The following ZNF622 variants were observed in gnomAD, a reference collection of about 807,000 sequenced individuals.
ZNF622 encodes the protein zinc finger protein 622.
In ZNF622, 34 loss-of-function variants were observed where a neutral mutation model predicts 49.7. The ratio of observed to expected loss-of-function variants is 0.68; its 90% CI spans 0.52 to 0.91. The LOEUF is 0.91. Ranked by LOEUF, ZNF622 falls within the 40% of genes least tolerant of loss-of-function variation. The probability of loss-of-function intolerance (pLI) is 0.00; values close to 1 mark genes in which losing one functional copy is unlikely to be tolerated. For missense variants in ZNF622, 569 were observed against 616.4 expected, an observed-to-expected ratio of 0.92 and a Z score of 0.81; for synonymous variants, 209 against 228.7, an observed-to-expected ratio of 0.91 and a Z score of 0.78.
chr5:16,464,959 A>C, intron 1 of ZNF622, 82 bp downstream of exon 1: 2 of 1,505,444 alleles, frequency 1.3e-6, no homozygotes, highest in Non-Finnish European at 1.8e-6. Context: ...ACACACACAC[A>C]CACCCATCTC....
chr5:16,456,180 C>T (rs1042247477), intron 4 of ZNF622, among the ~76,000 whole-genome samples: 1 of 152,124 alleles, frequency 6.6e-6, no homozygotes, highest in African/African-American at 2.4e-5. Flanking sequence ...TCACTGCAGC[C>T]TTGTGACTCT....
chr5:16,462,985 GGTGTTATAA>G, intron 3 of ZNF622, 114 bp downstream of exon 3: 1 of 923,774 alleles, frequency 1.1e-6, no homozygotes, highest in Non-Finnish European at 1.6e-6. Flanking sequence ...CTAATACAGA[GGTGTTATAA>G]GTGTTATTAA....
chr5:16,453,562 TATATATATATA>T lies in ZNF622; in HGVS notation c.1163-417_1163-407del, dbSNP rs1561067746. ...TATATATATAAATAAATAAAAATTA[TATATATATATA>T]TATATATATATATATATATATATAT... On this transcript the variant is annotated intron_variant, in intron 4 of 5. Coordinates refer to ENST00000308683, the MANE Select transcript of ZNF622 (RefSeq NM_033414.3). Among the ~76,000 whole-genome samples, 381 of 104,018 alleles carry T rather than the reference TATATATATATA, an allele frequency of 3.7e-3. 1 individual carries two copies. Among genetic ancestry groups the T allele is most frequent in the African/African-American group, 0.012 (246 of 21,304 alleles). 68.2% of individuals were successfully genotyped at this position (104,018 alleles called of 152,430 possible).
intron 3 of ZNF622, among the ~76,000 whole-genome samples, chr5:16,462,044 C>T (rs963617029): frequency 2.7e-4 from 41 of 152,138 alleles, no homozygotes; most frequent in Non-Finnish European, 1.5e-4. Context: ...GGGATAAATA[C>T]TGAAAGAGGA....
rs373877545 is a variant in ZNF622 at position 16,451,799 on chromosome 5, C to T, written c.1307-15G>A. On this transcript the variant is annotated splice_polypyrimidine_tract_variant and intron_variant, in intron 5 of 5. Coordinates refer to ENST00000308683, the MANE Select transcript of ZNF622 (RefSeq NM_033414.3). Reference sequence around the variant, plus strand: ...AAGAGCCGCTCCTATGATTGGAAGGCAGTTAAGAAATTAGGCAAAGTTCTG... The same window carrying T: ...AAGAGCCGCTCCTATGATTGGAAGGTAGTTAAGAAATTAGGCAAAGTTCTG... 12 of 1,605,972 alleles carry T rather than the reference C, an allele frequency of 7.5e-6. No homozygotes were observed. In the African/African-American group the frequency reaches 1.1e-4, roughly 14 times the overall value.
At chr5:16,454,633 T>C (rs1051532098) in intron 4 of ZNF622, among the ~76,000 whole-genome samples, 2 of 152,034 alleles carry the variant, frequency 1.3e-5, no homozygotes, top group African/African-American at 2.4e-5. Flanking sequence ...GTGAGGCACA[T>C]CTGATATATT....
intron 3 of ZNF622, among the ~76,000 whole-genome samples, chr5:16,462,237 G>A (rs1738130988): frequency 6.6e-6 from 1 of 152,168 alleles, no homozygotes. Flanking sequence ...GGTATCACTT[G>A]GTCTATGCAT....
At chr5:16,461,346 C>G (rs530208667) in intron 3 of ZNF622, among the ~76,000 whole-genome samples, 1 of 152,328 alleles carries the variant, frequency 6.6e-6, no homozygotes, top group East Asian at 1.9e-4. Flanking sequence ...AGAATCTGAG[C>G]AGAGTTTGAC....
In ZNF622 at chr5:16,465,568, C is replaced by T; in HGVS notation, c.98G>A (p.Arg33Gln). 6.2e-7 allele frequency: 1 copy of T among 1,613,764 alleles called. No individual in the cohort carries two copies. The highest frequency in any genetic ancestry group is 8.5e-7 in the Non-Finnish European group (1 of 1,179,852). The change falls in exon 1 of 6, where the codon CGG (arginine) becomes CAG (glutamine). Residue 33 changes from arginine to glutamine, a missense_variant. Transcript: ENST00000308683. The surrounding 1 kb of genome is among the most constrained non-coding windows in gnomAD (Gnocchi z 6.2). ...YKTDWHRYNL[R>Q]RKVASMAPVT... ...TGGGGCCATGCTGGCCACCTTCCGC[C>T]GCAGGTTGTAGCGGTGCCAGTCCGT...
At chr5:16,460,809 G>A (rs1738109599) in intron 3 of ZNF622, among the ~76,000 whole-genome samples, 1 of 152,018 alleles carries the variant, frequency 6.6e-6, no homozygotes, top group Admixed American at 6.6e-5. Flanking sequence ...AACTGTAAAT[G>A]GAATGAAAAA....
At chr5:16,462,567 C>A (rs1448774919) in intron 3 of ZNF622, among the ~76,000 whole-genome samples, 1 of 152,072 alleles carries the variant, frequency 6.6e-6, no homozygotes, top group Non-Finnish European at 1.5e-5. Context: ...GTGGGAGGAT[C>A]ATCTGAGCTC....
Position 16,451,650 on chromosome 5 carries a change from C to G in ZNF622, c.*7G>C. 6.2e-7 allele frequency: 1 copy of G among 1,612,328 alleles called. No homozygotes were observed. The highest frequency in any genetic ancestry group is 8.5e-7 in the Non-Finnish European group (1 of 1,179,000). On this transcript the variant is annotated 3_prime_UTR_variant, in exon 6 of 6. Coordinates refer to ENST00000308683, the MANE Select transcript of ZNF622 (RefSeq NM_033414.3). ...GCAGGAGATGATTGCTCAATCCCAG[C>G]AGACTCTCAGAATCTCACTTGGACC...
At position 16,451,788 on chromosome 5, in the gene ZNF622, T is replaced by C. The variant is rs760546367; in HGVS notation, c.1307-4A>G. The C allele has an allele frequency of 8.1e-6, 13 of 1,610,370 alleles. No homozygotes were observed. Among genetic ancestry groups the C allele is most frequent in the East Asian group, 2.2e-5 (1 of 44,774 alleles). ...CGCTCTCGCATAAGAGCCGCTCCTA[T>C]GATTGGAAGGCAGTTAAGAAATTAG... On this transcript the variant is annotated splice_polypyrimidine_tract_variant and splice_region_variant and intron_variant, in intron 5 of 5. Transcript: ENST00000308683.
At chr5:16,456,669 G>C (rs1738031101) in intron 4 of ZNF622, among the ~76,000 whole-genome samples, 1 of 152,058 alleles carries the variant, frequency 6.6e-6, no homozygotes, top group Non-Finnish European at 1.5e-5. Flanking sequence ...TATGTGGGTG[G>C]GGTAGAGGAA....
chr5:16,452,049 CAA>C (rs1345878934), intron 5 of ZNF622, among the ~76,000 whole-genome samples: 3 of 152,032 alleles, frequency 2.0e-5, no homozygotes, highest in Non-Finnish European at 2.9e-5. Flanking sequence ...TTTATAAGCC[CAA>C]AAGGTAAAGC....
chr5:16,463,823 C>T lies in ZNF622; in HGVS notation c.626-81G>A, dbSNP rs1319697761. 1.2e-5 allele frequency: 18 copies of T among 1,475,188 alleles called. No homozygotes were observed. The highest frequency in any genetic ancestry group is 1.6e-5 in the Non-Finnish European group (17 of 1,082,858). 91.4% of individuals were successfully genotyped at this position (1,475,188 alleles called of 1,614,324 possible). ...TATCACAAAAATTCACGAGGTGATA[C>T]AGTCCTATATTTGGAGAAACAGCCA... On this transcript the variant is annotated intron_variant, in intron 1 of 5. Coordinates refer to ENST00000308683, the MANE Select transcript of ZNF622 (RefSeq NM_033414.3). The surrounding 1 kb of genome is among the most constrained non-coding windows in gnomAD (Gnocchi z 4.2).
chr5:16,456,513 GGA>G (rs1738025918), intron 4 of ZNF622, among the ~76,000 whole-genome samples: 1 of 152,156 alleles, frequency 6.6e-6, no homozygotes, highest in Non-Finnish European at 1.5e-5. Context: ...CAGCAGCAGG[GGA>G]GAGACTCTTG....
intron 3 of ZNF622, among the ~76,000 whole-genome samples, chr5:16,460,520 G>T (rs1415977039): frequency 1.3e-5 from 2 of 151,806 alleles, no homozygotes; most frequent in African/African-American, 4.8e-5. Context: ...GTATGTAAAG[G>T]CTTTCTATTT....
At chr5:16,464,908 TAAAC>T in intron 1 of ZNF622, 129 bp downstream of exon 1, 2 of 1,353,522 alleles carry the variant, frequency 1.5e-6, no homozygotes, top group Non-Finnish European at 2.0e-6. Flanking sequence ...AGAAAGCGTC[TAAAC>T]CACCTTCCCT....
Sources: allele counts gnomAD v4.1 joint callset (sites outside exome capture counted in the v4.1 genomes callset), GRCh38; gene constraint gnomAD v4.1.1; non-coding constraint Gnocchi (gnomAD v3.1); transcripts MANE v1.5; gene names NCBI Gene and HGNC (gene_info 2026-07-23, HGNC 2026-07-21).